The following MET variants were observed in gnomAD, a reference collection of about 807,000 sequenced individuals.
MET encodes the protein MET proto-oncogene, receptor tyrosine kinase.
In MET, 48 loss-of-function variants were observed where a neutral mutation model predicts 133.1. That is an observed-to-expected ratio of 0.36 (90% CI 0.29 to 0.46). The LOEUF is 0.46. MET is among the 20% of genes least tolerant of loss of function. The pLI is 1.00. For missense variants in MET, 1,442 were observed against 1,695.9 expected, an observed-to-expected ratio of 0.85 and a Z score of 2.63; for synonymous variants, 628 against 616.5, an observed-to-expected ratio of 1.02 and a Z score of -0.28.
At chr7:116,721,526 G>A (rs181108979) in intron 2 of MET, among the ~76,000 whole-genome samples, 93 of 152,248 alleles carry the variant, frequency 6.1e-4, no homozygotes, top group African/African-American at 2.2e-3. Context: ...CCTTCTGCTA[G>A]CTTTTGAATG....
At chr7:116,738,899 T>C (rs1793341015) in intron 3 of MET, among the ~76,000 whole-genome samples, 1 of 152,206 alleles carries the variant, frequency 6.6e-6, no homozygotes, top group Non-Finnish European at 1.5e-5. Flanking sequence ...GACTATGTAA[T>C]CGTAATCTCA....
intron 5 of MET, among the ~76,000 whole-genome samples, chr7:116,742,883 A>G (rs907629560): frequency 6.6e-6 from 1 of 152,210 alleles, no homozygotes. Flanking sequence ...TTCATGCTGC[A>G]CCAGACTGTG....
Position 116,700,018 on chromosome 7 carries a change from G to A in MET, c.934G>A (p.Glu312Lys), listed in dbSNP as rs751572663. ...GAGAAAAAAGAGATCCACAAAGAAGGAAGTGTTTAATATACTTCAGGCTGC... is the reference window on the plus strand; with the variant it reads ...GAGAAAAAAGAGATCCACAAAGAAGAAAGTGTTTAATATACTTCAGGCTGC... ...EKRKKRSTKK[E>K]VFNILQAAYV... Residue 312 changes from glutamate (E) to lysine (K), a missense_variant, in exon 2 of 21, where the codon GAA becomes AAA. Transcript: ENST00000397752. 6.2e-7 allele frequency: 1 copy of A among 1,613,910 alleles called. No individual in the cohort carries two copies. The highest frequency in any genetic ancestry group is 8.5e-7 in the Non-Finnish European group (1 of 1,179,982).
At chr7:116,684,081 G>C (rs565901515) in intron 1 of MET, among the ~76,000 whole-genome samples, 2 of 152,082 alleles carry the variant, frequency 1.3e-5, no homozygotes, top group South Asian at 2.1e-4. Flanking sequence ...GCTACATCAG[G>C]GTTATTAACT....
intron 2 of MET, among the ~76,000 whole-genome samples, chr7:116,707,754 G>A (rs1317226279): frequency 3.9e-5 from 6 of 152,124 alleles, no homozygotes; most frequent in Admixed American, 2.6e-4. Flanking sequence ...AATGCACTAA[G>A]GAGATTACAA....
intron 2 of MET, among the ~76,000 whole-genome samples, chr7:116,707,525 C>A (rs1257852670): frequency 6.6e-6 from 1 of 152,112 alleles, no homozygotes; most frequent in Non-Finnish European, 1.5e-5. Context: ...TATAGTTATT[C>A]ATGATTAGTT....
At chr7:116,727,599 C>T (rs531426152) in intron 2 of MET, among the ~76,000 whole-genome samples, 1 of 152,272 alleles carries the variant, frequency 6.6e-6, no homozygotes, top group South Asian at 2.1e-4. Flanking sequence ...CCCAAAGCAG[C>T]TACTGTCCCA....
At chr7:116,734,679 C>T (rs1793146220) in intron 3 of MET, among the ~76,000 whole-genome samples, 2 of 152,160 alleles carry the variant, frequency 1.3e-5, no homozygotes, top group African/African-American at 4.8e-5. Flanking sequence ...TGATCACTCT[C>T]TTGGGATACT....
intron 11 of MET, among the ~76,000 whole-genome samples, chr7:116,764,877 G>A (rs751945581): frequency 6.6e-6 from 1 of 152,112 alleles, no homozygotes; most frequent in Non-Finnish European, 1.5e-5. Flanking sequence ...GATTATTTTA[G>A]TATCATGGTT....
chr7:116,713,161 C>A (rs552517794), intron 2 of MET, among the ~76,000 whole-genome samples: 5 of 152,170 alleles, frequency 3.3e-5, no homozygotes, highest in Admixed American at 3.3e-4. Context: ...TTTGGGAGGC[C>A]GAGGTGGGCG....
At chr7:116,765,626 A>G (rs1794598891) in intron 11 of MET, among the ~76,000 whole-genome samples, 1 of 152,160 alleles carries the variant, frequency 6.6e-6, no homozygotes, top group Non-Finnish European at 1.5e-5. Context: ...CAAGGCTTCA[A>G]GTCCCCCAAG....
intron 10 of MET, among the ~76,000 whole-genome samples, chr7:116,762,679 A>G (rs17138983): frequency 0.058 from 8,863 of 152,178 alleles, 363 homozygotes; most frequent in East Asian, 0.11. Context: ...GAGATGAGCC[A>G]AGGCCTTCTA....
intron 12 of MET, among the ~76,000 whole-genome samples, chr7:116,770,796 A>G (rs1211335106): frequency 1.3e-5 from 2 of 152,198 alleles, no homozygotes; most frequent in Non-Finnish European, 2.9e-5. Flanking sequence ...GATGAATAAT[A>G]TTCCATTGTA....
intron 3 of MET, among the ~76,000 whole-genome samples, chr7:116,736,835 T>C (rs2116811631): frequency 6.6e-6 from 1 of 152,358 alleles, no homozygotes; most frequent in Non-Finnish European, 1.5e-5. Context: ...ATGCGAATTC[T>C]TCTAAGATTC....
intron 2 of MET, among the ~76,000 whole-genome samples, chr7:116,729,484 T>C (rs1792912935): frequency 6.6e-6 from 1 of 152,234 alleles, no homozygotes. Flanking sequence ...AACTAAACTT[T>C]TATTTGTTTG....
At position 116,795,664 on chromosome 7, in the gene MET, G is replaced by A. The variant is rs727504014; in HGVS notation, c.3808G>A (p.Gly1270Ser). 2.5e-6 allele frequency: 4 copies of A among 1,613,778 alleles called. No homozygotes were observed. Among genetic ancestry groups the A allele is most frequent in the Middle Eastern group, 3.4e-4 (2 of 5,856 alleles). ...FTTKSDVWSFGVLLWELMTRG... is the reference protein window; with the variant it reads ...FTTKSDVWSFSVLLWELMTRG... ...TTTCTTGTTTTACTAGTGGTCCTTT[G>A]GCGTGCTCCTCTGGGAGCTGATGAC... The change falls in exon 20 of 21, where the codon GGC (glycine) becomes AGC (serine). Residue 1270 changes from glycine (G) to serine (S), a missense_variant. Around this residue, in one of 6 missense-constraint regions of MET, gnomAD observed 32 missense variants for 72.4 expected, o/e 0.44. Transcript: ENST00000397752.
At chr7:116,753,422 A>G (rs1454066619) in intron 5 of MET, among the ~76,000 whole-genome samples, 2 of 152,206 alleles carry the variant, frequency 1.3e-5, no homozygotes, top group Non-Finnish European at 2.9e-5. Context: ...TAACTTGGAA[A>G]TGTGTTTTGT....
At chr7:116,701,197 G>C (rs1369423040) in intron 2 of MET, among the ~76,000 whole-genome samples, 1 of 152,106 alleles carries the variant, frequency 6.6e-6, no homozygotes, top group Non-Finnish European at 1.5e-5. Flanking sequence ...TTGTGGCTTT[G>C]AGTTTCTTGA....
intron 2 of MET, among the ~76,000 whole-genome samples, chr7:116,720,436 G>T (rs1467641584): frequency 7.1e-6 from 1 of 141,074 alleles, no homozygotes; most frequent in Admixed American, 7.1e-5. Context: ...TGCAAACAGG[G>T]ACAATTTGAC....
Sources: allele counts gnomAD v4.1 joint callset (sites outside exome capture counted in the v4.1 genomes callset), GRCh38; gene constraint gnomAD v4.1.1; regional missense constraint gnomAD v4.1.1; transcripts MANE v1.5; gene names NCBI Gene and HGNC (gene_info 2026-07-23, HGNC 2026-07-21).